MRRF: variants seen among roughly 807,000 people sequenced by gnomAD.
The protein encoded by MRRF is ribosome-recycling factor, mitochondrial.
In MRRF, 18 loss-of-function variants were observed where a neutral mutation model predicts 25.1. The ratio of observed to expected loss-of-function variants is 0.72; its 90% confidence interval spans 0.50 to 1.06. MRRF has a LOEUF of 1.06. MRRF is among the 50% of genes least tolerant of loss of function. The pLI is 0.00. For synonymous variants in MRRF, 113 were observed against 112.1 expected (o/e 1.01, Z -0.05); for missense variants, 323 against 319.3 (o/e 1.01, Z -0.09).
At chr9:122,317,903 C>T (rs1158860108) in intron 6 of MRRF, among the ~76,000 whole-genome samples, 1 of 152,048 alleles carries the variant, frequency 6.6e-6, no homozygotes, top group East Asian at 1.9e-4. Flanking sequence ...TTTGGGAGGT[C>T]CAGGCAGGTA....
At position 122,305,688 on chromosome 9, in the gene MRRF, T is replaced by G. The variant is rs79897467; in HGVS notation, c.552-7539T>G. ...AAGTGGGCCTTGCTGTGATAATAATTTGGTCTCTCCTTATCTTCTTCTCTT... is the reference window on the plus strand; with the variant it reads ...AAGTGGGCCTTGCTGTGATAATAATGTGGTCTCTCCTTATCTTCTTCTCTT... On this transcript the variant is annotated intron_variant, in intron 5 of 6. Coordinates refer to ENST00000344641, the MANE Select transcript of MRRF (RefSeq NM_138777.5). Among the ~76,000 whole-genome samples the G allele has an allele frequency of 8.0e-3, 1,223 of 152,240 alleles. 11 individuals carry two copies. Among genetic ancestry groups the G allele is most frequent in the African/African-American group, 0.028 (1,168 of 41,538 alleles).
At chr9:122,295,974 AC>A (rs1331163682) in intron 5 of MRRF, among the ~76,000 whole-genome samples, 1 of 152,330 alleles carries the variant, frequency 6.6e-6, no homozygotes, top group Admixed American at 6.5e-5. Context: ...AAATGAGTCT[AC>A]TGAGTATGTG....
At chr9:122,290,805 G>T (rs1330594774) in intron 4 of MRRF, among the ~76,000 whole-genome samples, 1 of 152,252 alleles carries the variant, frequency 6.6e-6, no homozygotes, top group Middle Eastern at 3.4e-3. Context: ...TGAGTGTGAG[G>T]TGAGGCACTT....
At position 122,325,633 on chromosome 9, in the gene MRRF, TGTGTGTG is replaced by T. The variant is rs1237109343; in HGVS notation, c.*3017_*3023del. On this transcript the variant is annotated 3_prime_UTR_variant, in exon 7 of 7. Coordinates refer to ENST00000344641, the MANE Select transcript of MRRF (RefSeq NM_138777.5). ...ATTTGAGAATTTTTTTCCTGTCTGGTGTGTGTGTGTGTGTGTGTGTGTGTGTGTGTGT... is the reference window on the plus strand; with the variant it reads ...ATTTGAGAATTTTTTTCCTGTCTGGTTGTGTGTGTGTGTGTGTGTGTGTGT... 3.1e-4 allele frequency: 4 copies of T among 12,714 alleles called. No individual in the cohort carries two copies. Among genetic ancestry groups the T allele is most frequent in the Admixed American group, 1.4e-3 (2 of 1,428 alleles). The allele number at this position is 12,714 out of a possible 1,614,324, so 0.8% of individuals were successfully genotyped here.
At position 122,285,550 on chromosome 9, in the gene MRRF, G is replaced by C. The variant is rs984228112; in HGVS notation, c.459+263G>C. The C allele has an allele frequency of 2.2e-5, 10 of 452,530 alleles. 1 individual carries two copies. The highest frequency in any genetic ancestry group is 8.3e-5 in the South Asian group (4 of 48,374). 28.0% of individuals were successfully genotyped at this position (452,530 alleles called of 1,614,324 possible). A position where few individuals can be genotyped will look rare whatever the true frequency, so the allele number is the denominator to read the frequency against. ...AAACAATACTGGAGATGCAGTGATT[G>C]GTGCTTGGCCAGCGTGAAAAGGCTC... On this transcript the variant is annotated intron_variant, in intron 4 of 6. Coordinates refer to ENST00000344641, the MANE Select transcript of MRRF (RefSeq NM_138777.5).
intron 4 of MRRF, among the ~76,000 whole-genome samples, chr9:122,287,790 T>C (rs531559137): frequency 6.6e-6 from 1 of 152,348 alleles, no homozygotes; most frequent in Admixed American, 6.5e-5. Context: ...GAGAGGTTCA[T>C]TTACAGGAAC....
Position 122,266,046 on chromosome 9 carries a change from T to G in MRRF, c.-29+1108T>G, listed in dbSNP as rs79929024. On this transcript the variant is annotated intron_variant, in intron 1 of 6. Coordinates refer to ENST00000344641, the MANE Select transcript of MRRF (RefSeq NM_138777.5). ...CCATAATAGTAAGGGTAGATTCCCATCCGATTCTGGTTTACCCTGGATAAG... is the reference window on the plus strand; with the variant it reads ...CCATAATAGTAAGGGTAGATTCCCAGCCGATTCTGGTTTACCCTGGATAAG... Among the ~76,000 whole-genome samples, 772 of 152,346 alleles carry G rather than the reference T, an allele frequency of 5.1e-3. 11 individuals carry two copies. The East Asian group carries it at 0.056, about 11-fold the overall frequency.
At chr9:122,305,027 C>T (rs547882554) in intron 5 of MRRF, among the ~76,000 whole-genome samples, 1 of 152,054 alleles carries the variant, frequency 6.6e-6, no homozygotes, top group East Asian at 1.9e-4. Context: ...ACTGCCACTT[C>T]GAATTCCTGG....
At chr9:122,316,398 A>T (rs1436278185) in intron 6 of MRRF, among the ~76,000 whole-genome samples, 17 of 150,918 alleles carry the variant, frequency 1.1e-4, no homozygotes, top group Non-Finnish European at 4.4e-5. Flanking sequence ...CTGGTCTTGA[A>T]CTCCTGACCT....
At chr9:122,293,590 C>G (rs995415050) in intron 5 of MRRF, among the ~76,000 whole-genome samples, 2 of 152,202 alleles carry the variant, frequency 1.3e-5, no homozygotes, top group South Asian at 4.1e-4. Flanking sequence ...GCTTTGAAAT[C>G]ATGTGAATTG....
chr9:122,273,098 C>G (rs761771775), intron 2 of MRRF, among the ~76,000 whole-genome samples: 2 of 152,092 alleles, frequency 1.3e-5, no homozygotes, highest in Non-Finnish European at 2.9e-5. Context: ...TCTTTTTGTT[C>G]TTGACTTTCT....
chr9:122,289,604 T>A (rs1833628979), intron 4 of MRRF, among the ~76,000 whole-genome samples: 1 of 152,164 alleles, frequency 6.6e-6, no homozygotes, highest in Admixed American at 6.5e-5. Flanking sequence ...TCTGTTTTTT[T>A]TTTTTTAAGG....
At chr9:122,316,057 C>T (rs957809456) in intron 6 of MRRF, among the ~76,000 whole-genome samples, 2 of 152,126 alleles carry the variant, frequency 1.3e-5, no homozygotes, top group African/African-American at 2.4e-5. Context: ...AATCTCATCA[C>T]TCAGATGACT....
chr9:122,327,792 C>T lies in MRRF; in HGVS notation c.*5175C>T, dbSNP rs542073725. The T allele has an allele frequency of 6.6e-6, 1 of 150,656 alleles. No homozygotes were observed. Among genetic ancestry groups the T allele is most frequent in the Non-Finnish European group, 1.5e-5 (1 of 67,786 alleles). The allele number at this position is 150,656 out of a possible 1,614,324, so 9.3% of individuals were successfully genotyped here. A position where few individuals can be genotyped will look rare whatever the true frequency, so the allele number is the denominator to read the frequency against. On this transcript the variant is annotated 3_prime_UTR_variant, in exon 7 of 7. Coordinates refer to ENST00000344641, the MANE Select transcript of MRRF (RefSeq NM_138777.5). ...CTTGTTGTATATCAGGATTACAGCT[C>T]TTGCTTGCTTTTTGTTTACATTTGC...
chr9:122,294,033 T>A (rs1833937110), intron 5 of MRRF, among the ~76,000 whole-genome samples: 1 of 152,246 alleles, frequency 6.6e-6, no homozygotes, highest in Admixed American at 6.5e-5. Context: ...GAAGCAAGAT[T>A]TACAAGAGTA....
At chr9:122,295,098 C>G (rs1834006839) in intron 5 of MRRF, among the ~76,000 whole-genome samples, 1 of 152,190 alleles carries the variant, frequency 6.6e-6, no homozygotes. Context: ...GCACCTGTCT[C>G]TGCCTCTGTG....
At chr9:122,313,117 C>A in intron 5 of MRRF, 110 bp from the exon 6 acceptor site, 1 of 1,149,636 alleles carries the variant, frequency 8.7e-7, no homozygotes, top group Non-Finnish European at 1.3e-6. Context: ...GTTCAGCCCA[C>A]AGAGAGGAAA....
intron 5 of MRRF, among the ~76,000 whole-genome samples, chr9:122,302,099 C>T (rs1588060047): frequency 1.3e-5 from 2 of 152,096 alleles, no homozygotes; most frequent in African/African-American, 4.8e-5. Context: ...TGCCGTGAGG[C>T]GTGCTGCCTG....
rs373762272 is a variant in MRRF, at chr9:122,284,603, T to G, written c.341-566T>G. On this transcript the variant is annotated intron_variant, in intron 3 of 6. Transcript: ENST00000344641. ...TCCAGTTTTAGTTCTAAAAGCCCTG[T>G]CACAGAAAATTCTTCAGCTCCAGGC... Among the ~76,000 whole-genome samples the G allele has an allele frequency of 5.9e-5, 9 of 152,300 alleles. 2 individuals carry two copies. The highest frequency in any genetic ancestry group is 2.2e-4 in the African/African-American group (9 of 41,552).
Sources: gnomAD v4.1 joint callset for allele counts (sites outside exome capture counted in the v4.1 genomes callset) on GRCh38, gnomAD v4.1.1 for gene constraint, MANE v1.5 for transcripts, NCBI Gene and HGNC (gene_info 2026-07-23, HGNC 2026-07-21) for gene names.